REXO4: variants seen among roughly 807,000 people sequenced by gnomAD.
The protein encoded by REXO4 is REX4 homolog, 3'-5' exonuclease.
In REXO4, 29 loss-of-function variants were observed where a neutral mutation model predicts 39.9. The observed-to-expected ratio is 0.73, with a 90% CI of 0.54 to 0.99. REXO4 has a LOEUF of 0.99. Among genes scored for constraint, REXO4 ranks in the 50% least tolerant of loss-of-function variants. The pLI, the probability that REXO4 is intolerant of heterozygous loss-of-function variation, is 0.00. For missense variants in REXO4, 524 were observed against 546.5 expected (o/e 0.96, Z 0.41); for synonymous variants, 184 against 206.2 (o/e 0.89, Z 0.92).
At chr9:133,414,430 G>C in intron 2 of REXO4, 1 of 688,014 alleles carries the variant, frequency 1.5e-6, no homozygotes, top group South Asian at 1.5e-5. Context: ...TTCCACACAC[G>C]TGTACTGGCA....
rs782392116 is a variant in REXO4, at chr9:133,406,995, G to A, written c.1227C>T (p.Arg409=). 2 of 1,612,900 alleles carry A rather than the reference G, an allele frequency of 1.2e-6. No homozygotes were observed. The highest frequency in any genetic ancestry group is 1.1e-5 in the South Asian group (1 of 91,086). The change falls in exon 8 of 8, where the codon CGC becomes CGT. Residue 409 remains arginine, a synonymous_variant. Coordinates refer to ENST00000371942, the MANE Select transcript of REXO4 (RefSeq NM_020385.4). The part of the protein sequence containing the change: ...KEWESMARDR[R]PLLTAPDHCS... ...AGTGGTCTGGAGCAGTCAGCAGGGG[G>A]CGCCTGTCTCGGGCCATGCTCTCCC...
intron 1 of REXO4, among the ~76,000 whole-genome samples, chr9:133,415,319 C>T (rs941396455): frequency 4.6e-5 from 7 of 152,084 alleles, no homozygotes; most frequent in African/African-American, 1.2e-4. Context: ...GGCTGGACAC[C>T]ACAGACCACT....
chr9:133,412,526 C>T (rs1554780395), intron 3 of REXO4, 34 bp from the exon 4 acceptor site: 1 of 1,608,116 alleles, frequency 6.2e-7, no homozygotes, highest in Non-Finnish European at 8.5e-7. Flanking sequence ...GTTTAATAAA[C>T]ACGGCAGGCC....
chr9:133,412,519 T>A, intron 3 of REXO4, 27 bp from the exon 4 acceptor site: 16 of 1,611,686 alleles, frequency 9.9e-6, no homozygotes, highest in Non-Finnish European at 1.4e-5. Context: ...GGCTGTAGTT[T>A]AATAAACACG....
chr9:133,408,423 C>T (rs1839027003), intron 6 of REXO4, among the ~76,000 whole-genome samples: 2 of 151,624 alleles, frequency 1.3e-5, no homozygotes, highest in South Asian at 2.1e-4. Context: ...TATGCCATTG[C>T]ACTCCAGCCT....
chr9:133,413,013 C>T (rs969572300), intron 2 of REXO4, 92 bp from the exon 3 acceptor site: 32 of 1,382,312 alleles, frequency 2.3e-5, no homozygotes, highest in Non-Finnish European at 3.0e-5. Flanking sequence ...GTGAGTGGAG[C>T]GATGGCACAG....
Position 133,408,853 on chromosome 9 carries a change from A to G in REXO4, c.1000-11T>C. ...ATCAAGAAATAGTACCTAGAAAAAT[A>G]AAATATAATGATAATCATTTTCATT... On this transcript the variant is annotated splice_polypyrimidine_tract_variant and intron_variant, in intron 5 of 7. Transcript: ENST00000371942. The G allele has an allele frequency of 1.3e-6, 2 of 1,527,784 alleles. No homozygotes were observed. Among genetic ancestry groups the G allele is most frequent in the Non-Finnish European group, 1.8e-6 (2 of 1,108,634 alleles). The allele number at this position is 1,527,784 out of a possible 1,614,324, so 94.6% of individuals were successfully genotyped here. A position where few individuals can be genotyped will look rare whatever the true frequency, so the allele number is the denominator to read the frequency against.
intron 5 of REXO4, among the ~76,000 whole-genome samples, chr9:133,409,214 G>A (rs1212115254): frequency 2.6e-5 from 4 of 152,020 alleles, no homozygotes; most frequent in African/African-American, 4.8e-5. Context: ...TGATCCACCC[G>A]CCTCGGCCTC....
chr9:133,412,734 G>C, intron 3 of REXO4, 44 bp downstream of exon 3: 1 of 1,599,646 alleles, frequency 6.3e-7, no homozygotes, highest in South Asian at 1.1e-5. Context: ...CGCCCTCCAC[G>C]GCTAAGCATC....
rs773506690 is a variant in REXO4, at chr9:133,407,808, G to C, written c.1148C>G (p.Ser383Ter). ...GLQVQQAEHC[S>*]IQDAQAAMRL... ...AACTACCCCACAGGACACACTTACT[G>C]AACAGTGCTCCGCCTGCTGGACCTG... Residue 383 changes from serine to a stop codon, truncating the protein, a stop_gained and splice_region_variant, in exon 7 of 8, where the codon TCA (serine) becomes TGA (stop). Coordinates refer to ENST00000371942, the MANE Select transcript of REXO4 (RefSeq NM_020385.4). LOFTEE classifies it low-confidence loss of function (END_TRUNC). 6.2e-7 allele frequency: 1 copy of C among 1,613,624 alleles called. No individual in the cohort carries two copies. The highest frequency in any genetic ancestry group is 8.5e-7 in the Non-Finnish European group (1 of 1,179,732).
intron 7 of REXO4, 23 bp downstream of exon 7, chr9:133,407,784 A>T: frequency 6.2e-7 from 1 of 1,608,488 alleles, no homozygotes; most frequent in Non-Finnish European, 8.5e-7. Flanking sequence ...AACCCCATGA[A>T]CTACCCCACA....
upstream of REXO4, chr9:133,418,167 G>A (rs983958335): frequency 1.5e-5 from 6 of 393,566 alleles, no homozygotes; most frequent in Non-Finnish European, 2.8e-5. Context: ...CATCGACCTC[G>A]AGTTTGACTG....
At chr9:133,414,280 C>A in intron 2 of REXO4, 1 of 408,880 alleles carries the variant, frequency 2.4e-6, no homozygotes, top group Non-Finnish European at 4.8e-6. Context: ...CCAAGAGTGC[C>A]AACCTCACAA....
intron 2 of REXO4, 139 bp from the exon 3 acceptor site, chr9:133,413,060 C>T (rs1839322756): frequency 1.2e-6 from 1 of 813,668 alleles, no homozygotes; most frequent in Non-Finnish European, 1.9e-6. Context: ...GACACCCCGA[C>T]TGCTGGCCCT....
chr9:133,414,462 C>G, intron 2 of REXO4: 1 of 703,356 alleles, frequency 1.4e-6, no homozygotes, highest in Non-Finnish European at 2.6e-6. Context: ...CTGAGCTCTG[C>G]TCAACGCTCG....
At chr9:133,410,075 T>G (rs1214359819) in intron 5 of REXO4, among the ~76,000 whole-genome samples, 1 of 152,156 alleles carries the variant, frequency 6.6e-6, no homozygotes, top group East Asian at 1.9e-4. Flanking sequence ...TCCAGCATCT[T>G]CAATGGATTC....
chr9:133,416,357 A>T (rs1327690421), intron 1 of REXO4, among the ~76,000 whole-genome samples: 1 of 152,190 alleles, frequency 6.6e-6, no homozygotes, highest in Non-Finnish European at 1.5e-5. Context: ...ACTGGGGATC[A>T]CATTTCTTTT....
rs782608423 is a variant in REXO4, at chr9:133,414,568, GGAGAGACTGCGGT to G, written c.572+84_572+96del. 6 of 1,030,786 alleles carry G rather than the reference GGAGAGACTGCGGT, an allele frequency of 5.8e-6. No individual in the cohort carries two copies. In the South Asian group the frequency reaches 6.3e-5, roughly 11 times the overall value. 63.9% of individuals were successfully genotyped at this position (1,030,786 alleles called of 1,614,324 possible). A position where few individuals can be genotyped will look rare whatever the true frequency, so the allele number is the denominator to read the frequency against. The stretch of plus-strand genomic sequence containing the variant: ...ACAGACGACATCAGGGTAAAGTGAT[GGAGAGACTGCGGT>G]GAGGCCACCAGCCTCCATAAGGAGA... On this transcript the variant is annotated intron_variant, in intron 2 of 7. Coordinates refer to ENST00000371942, the MANE Select transcript of REXO4 (RefSeq NM_020385.4).
intron 5 of REXO4, among the ~76,000 whole-genome samples, chr9:133,409,320 G>A (rs954276313): frequency 2.6e-5 from 4 of 152,110 alleles, no homozygotes; most frequent in African/African-American, 9.7e-5. Flanking sequence ...ATGGAAACAA[G>A]GCACTGATAT....
Sources: gnomAD v4.1 joint callset for allele counts (sites outside exome capture counted in the v4.1 genomes callset) on GRCh38, gnomAD v4.1.1 for gene constraint, MANE v1.5 for transcripts, NCBI Gene and HGNC (gene_info 2026-07-23, HGNC 2026-07-21) for gene names.